The following KSR2 variants were observed in gnomAD, a reference collection of about 807,000 sequenced individuals.
The protein encoded by KSR2 is kinase suppressor of ras 2.
A neutral mutation model predicts 107.8 loss-of-function variants in KSR2; 25 were observed. That is an observed-to-expected ratio of 0.23 (90% CI 0.17 to 0.32). KSR2 has a LOEUF of 0.32. Among genes scored for constraint, KSR2 ranks in the 10% least tolerant of loss-of-function variants. The probability of loss-of-function intolerance (pLI) is 1.00; values close to 1 mark genes in which losing one functional copy is unlikely to be tolerated. For synonymous variants in KSR2, 480 were observed against 507.0 expected (o/e 0.95, Z 0.71); for missense variants, 887 against 1,268.9 (o/e 0.70, Z 4.57).
intron 5 of KSR2, among the ~76,000 whole-genome samples, chr12:117,610,293 G>C (rs187317477): frequency 6.6e-6 from 1 of 152,262 alleles, no homozygotes; most frequent in East Asian, 1.9e-4. Context: ...AATCACGGAT[G>C]CTCGCAAAGC....
intron 10 of KSR2, among the ~76,000 whole-genome samples, chr12:117,531,974 A>G (rs1213046553): frequency 6.6e-6 from 1 of 152,098 alleles, no homozygotes; most frequent in African/African-American, 2.4e-5. Context: ...TGACTACAAT[A>G]CCATTTTTGT....
At chr12:117,711,772 G>C (rs1468857976) in intron 4 of KSR2, among the ~76,000 whole-genome samples, 1 of 152,172 alleles carries the variant, frequency 6.6e-6, no homozygotes, top group Non-Finnish European at 1.5e-5. Flanking sequence ...TTAAGCTCTT[G>C]CAGAGATGCC....
intron 4 of KSR2, among the ~76,000 whole-genome samples, chr12:117,670,081 G>C (rs1297918271): frequency 1.3e-5 from 2 of 152,124 alleles, no homozygotes; most frequent in African/African-American, 2.4e-5. Flanking sequence ...TACTGAGAAA[G>C]AGATAGAAAG....
At chr12:117,867,620 C>T (rs1328236176) in intron 1 of KSR2, among the ~76,000 whole-genome samples, 1 of 152,168 alleles carries the variant, frequency 6.6e-6, no homozygotes, top group Admixed American at 6.6e-5. Flanking sequence ...TAAGAATGTG[C>T]CCAGGCTAGT....
At position 117,886,844 on chromosome 12, in the gene KSR2, C is replaced by T. The variant is rs151301723; in HGVS notation, c.181-26413G>A. Among the ~76,000 whole-genome samples, 80 of 151,886 alleles carry T rather than the reference C, an allele frequency of 5.3e-4. 1 individual carries two copies. The highest frequency in any genetic ancestry group is 4.1e-3 in the Admixed American group (63 of 15,250). On this transcript the variant is annotated intron_variant, in intron 1 of 19. Coordinates refer to ENST00000339824, the MANE Select transcript of KSR2 (RefSeq NM_173598.6). ...TTCTTTTTTGCTATGTATATTTTAT[C>T]TCATGTGCATGTATTACCTGGCTTA...
At chr12:117,747,489 G>T (rs1395185558) in intron 4 of KSR2, among the ~76,000 whole-genome samples, 1 of 152,018 alleles carries the variant, frequency 6.6e-6, no homozygotes, top group African/African-American at 2.4e-5. Context: ...TGCATGTGGG[G>T]CTTAAAACCT....
At chr12:117,927,509 T>C (rs570665998) in intron 1 of KSR2, among the ~76,000 whole-genome samples, 2 of 152,130 alleles carry the variant, frequency 1.3e-5, no homozygotes, top group East Asian at 3.9e-4. Context: ...CTGGCCAACA[T>C]GGTGAAACCC....
chr12:117,948,489 CAAA>C (rs1180417915), intron 1 of KSR2, among the ~76,000 whole-genome samples: 2 of 90,360 alleles, frequency 2.2e-5, no homozygotes. Context: ...GACTCCGTCT[CAAA>C]AAAAAAAAAA....
intron 3 of KSR2, among the ~76,000 whole-genome samples, chr12:117,779,301 T>C (rs115826948): frequency 0.017 from 2,647 of 152,304 alleles, 84 homozygotes; most frequent in African/African-American, 0.061. Flanking sequence ...CCTGCCAACA[T>C]AACTTCTTGC....
chr12:117,587,438 C>A (rs1880071753), intron 5 of KSR2, among the ~76,000 whole-genome samples: 1 of 152,082 alleles, frequency 6.6e-6, no homozygotes, highest in Non-Finnish European at 1.5e-5. Context: ...AGGCACATAA[C>A]TAGAAAAGGC....
chr12:117,508,598 G>A (rs1345420092), intron 14 of KSR2, among the ~76,000 whole-genome samples: 1 of 152,090 alleles, frequency 6.6e-6, no homozygotes, highest in East Asian at 1.9e-4. Flanking sequence ...TGAGAGGGTA[G>A]GTGAATGGAT....
chr12:117,480,185 G>A (rs545408284), intron 16 of KSR2, among the ~76,000 whole-genome samples: 1 of 151,978 alleles, frequency 6.6e-6, no homozygotes, highest in Admixed American at 6.6e-5. Context: ...GGGGTGGGGT[G>A]GGTTGGGGTG....
intron 3 of KSR2, among the ~76,000 whole-genome samples, chr12:117,855,046 A>G (rs1436829214): frequency 7.5e-6 from 1 of 132,498 alleles, no homozygotes; most frequent in Non-Finnish European, 1.7e-5. Context: ...AATTAATGCA[A>G]ATTACTTCTG....
intron 17 of KSR2, among the ~76,000 whole-genome samples, chr12:117,473,385 G>A (rs1421687124): frequency 2.0e-5 from 3 of 152,196 alleles, no homozygotes; most frequent in Non-Finnish European, 4.4e-5. Flanking sequence ...GCCCAGAAAG[G>A]TTGTGTGTCT....
intron 14 of KSR2, among the ~76,000 whole-genome samples, chr12:117,516,865 C>A (rs1248205539): frequency 2.0e-5 from 3 of 152,154 alleles, no homozygotes; most frequent in Non-Finnish European, 1.5e-5. Context: ...TGTCTCAGAG[C>A]TCCTGGCTGT....
intron 9 of KSR2, among the ~76,000 whole-genome samples, chr12:117,553,580 C>T (rs922466955): frequency 2.6e-5 from 4 of 152,106 alleles, no homozygotes; most frequent in African/African-American, 7.2e-5. Context: ...AGTGCCCTCC[C>T]GATCCTTGGG....
intron 1 of KSR2, among the ~76,000 whole-genome samples, chr12:117,893,162 T>C (rs4767636): frequency 0.39 from 59,631 of 151,486 alleles, 14,365 homozygotes; most frequent in East Asian, 0.87. Context: ...GGACTACAGG[T>C]GCATACCACC....
At chr12:117,712,746 C>T (rs1886834301) in intron 4 of KSR2, among the ~76,000 whole-genome samples, 1 of 152,140 alleles carries the variant, frequency 6.6e-6, no homozygotes, top group Admixed American at 6.5e-5. Context: ...TTGGGTCAGT[C>T]ACATAGCCAA....
At chr12:117,718,959 C>T (rs1298398638) in intron 4 of KSR2, among the ~76,000 whole-genome samples, 1 of 152,144 alleles carries the variant, frequency 6.6e-6, no homozygotes, top group Non-Finnish European at 1.5e-5. Context: ...CCTAAACAGC[C>T]GCTCATCAAT....
Sources: gnomAD v4.1 joint callset for allele counts (sites outside exome capture counted in the v4.1 genomes callset) on GRCh38, gnomAD v4.1.1 for gene constraint, MANE v1.5 for transcripts, NCBI Gene and HGNC (gene_info 2026-07-23, HGNC 2026-07-21) for gene names.